The following CDH7 variants were observed in gnomAD, a reference collection of about 807,000 sequenced individuals.
CDH7 encodes the protein cadherin-7.
Under a neutral mutation model 71.8 loss-of-function variants are expected in CDH7, and 25 were observed. That is an observed-to-expected ratio of 0.35 (90% CI 0.25 to 0.49). CDH7 has a LOEUF of 0.49. Ranked by LOEUF, CDH7 falls within the 20% of genes least tolerant of loss-of-function variation. The pLI is 0.99. For synonymous variants in CDH7, 381 were observed against 363.8 expected (o/e 1.05, Z -0.54); for missense variants, 862 against 974.6 (o/e 0.88, Z 1.54).
intron 7 of CDH7, among the ~76,000 whole-genome samples, chr18:65,850,056 C>T (rs1489498571): frequency 6.6e-6 from 1 of 151,062 alleles, no homozygotes; most frequent in African/African-American, 2.4e-5. Flanking sequence ...CCCAGCTACT[C>T]GGGAGGCTGA....
chr18:65,857,064 A>T (rs906632000), intron 7 of CDH7, among the ~76,000 whole-genome samples: 17 of 151,610 alleles, frequency 1.1e-4, no homozygotes, highest in African/African-American at 4.1e-4. Flanking sequence ...GTGCCGTCAG[A>T]ACAAAAGATA....
At position 65,869,091 on chromosome 18, in the gene CDH7, T is replaced by C. The variant is rs562140850; in HGVS notation, c.1864+6174T>C. ...CACTTATATGTTTTTCTGAGTGGAA[T>C]CAGCCAGGCTTCCGTCTTCTCGCTT... On this transcript the variant is annotated intron_variant, in intron 11 of 11. Transcript: ENST00000397968. 3.5e-4 allele frequency among the ~76,000 whole-genome samples: 54 copies of C among 152,270 alleles called. 1 individual carries two copies. Among genetic ancestry groups the C allele is most frequent in the African/African-American group, 1.3e-3 (53 of 41,560 alleles).
At chr18:65,851,284 T>G (rs1019464538) in intron 7 of CDH7, among the ~76,000 whole-genome samples, 2 of 152,054 alleles carry the variant, frequency 1.3e-5, no homozygotes, top group Non-Finnish European at 2.9e-5. Context: ...CACACACAAA[T>G]GCACATATCG....
In CDH7 at chr18:65,857,361, T is replaced by TAAA. The variant is rs869226814; in HGVS notation, c.1236-453_1236-451dup. 2.3e-3 allele frequency among the ~76,000 whole-genome samples: 251 copies of TAAA among 107,256 alleles called. 1 individual carries two copies. The highest frequency in any genetic ancestry group is 8.2e-3 in the African/African-American group (205 of 25,028). The allele number at this position is 107,256 out of a possible 152,430, so 70.4% of individuals were successfully genotyped here. On this transcript the variant is annotated intron_variant, in intron 7 of 11. Coordinates refer to ENST00000397968, the MANE Select transcript of CDH7 (RefSeq NM_004361.5). ...ATAATAATAATAATAATAATAATAATAAAATAGCCAAATATGGTGGTGCAT... is the reference window on the plus strand; with the variant it reads ...ATAATAATAATAATAATAATAATAATAAAAAAATAGCCAAATATGGTGGTGCAT...
chr18:65,858,836 G>T (rs1913457914), intron 8 of CDH7, 89 bp from the exon 9 acceptor site: 4 of 1,312,416 alleles, frequency 3.0e-6, no homozygotes, highest in Admixed American at 3.8e-5. Flanking sequence ...TATGATTCTA[G>T]ATTTCATTCT....
At chr18:65,785,886 A>C (rs1910494790) in intron 2 of CDH7, among the ~76,000 whole-genome samples, 1 of 152,210 alleles carries the variant, frequency 6.6e-6, no homozygotes, top group African/African-American at 2.4e-5. Context: ...GTAAAAGTAC[A>C]TATAGCAGTA....
In CDH7 at chr18:65,826,555, A is replaced by T. The variant is rs201301537; in HGVS notation, c.981+1724A>T. Reference sequence around the variant, plus strand: ...AAAAGGCAGTATCCAAACTTTTACAAAGTCTTTCACATTTTATGAAAATTG... The same window carrying T: ...AAAAGGCAGTATCCAAACTTTTACATAGTCTTTCACATTTTATGAAAATTG... On this transcript the variant is annotated intron_variant, in intron 6 of 11. Coordinates refer to ENST00000397968, the MANE Select transcript of CDH7 (RefSeq NM_004361.5). 2.8e-3 allele frequency among the ~76,000 whole-genome samples: 54 copies of T among 19,386 alleles called. No homozygotes were observed. In the East Asian group the frequency reaches 0.47, roughly 167 times the overall value. The allele number at this position is 19,386 out of a possible 152,430, so 12.7% of individuals were successfully genotyped here. A position where few individuals can be genotyped will look rare whatever the true frequency, so the allele number is the denominator to read the frequency against.
intron 2 of CDH7, among the ~76,000 whole-genome samples, chr18:65,763,592 GGGGT>G (rs58745578): frequency 0.076 from 9,985 of 131,000 alleles, 788 homozygotes; most frequent in African/African-American, 0.22. Context: ...TTTTGATAGG[GGGGT>G]GTGTGTGTGT....
chr18:65,835,800 G>A (rs562605311), intron 6 of CDH7, among the ~76,000 whole-genome samples: 1 of 152,242 alleles, frequency 6.6e-6, no homozygotes, highest in South Asian at 2.1e-4. Context: ...AGGAGGCTGT[G>A]GTAGACACAA....
intron 2 of CDH7, among the ~76,000 whole-genome samples, chr18:65,772,637 T>C (rs1411310240): frequency 1.3e-5 from 2 of 152,120 alleles, no homozygotes; most frequent in Admixed American, 6.6e-5. Context: ...TAATGAAACA[T>C]AGAGTCTGTA....
At chr18:65,803,064 C>G (rs1389228222) in intron 2 of CDH7, 1 of 152,102 alleles carries the variant, frequency 6.6e-6, no homozygotes, top group Non-Finnish European at 1.5e-5. Context: ...CCAAATGCAT[C>G]TTTTTATTTT....
chr18:65,850,171 A>AT (rs1913096520), intron 7 of CDH7, among the ~76,000 whole-genome samples: 1 of 16,068 alleles, frequency 6.2e-5, no homozygotes, highest in African/African-American at 1.1e-4. Flanking sequence ...CACACTATAT[A>AT]TAATATATAT....
At chr18:65,855,633 C>T (rs1311104849) in intron 7 of CDH7, among the ~76,000 whole-genome samples, 12 of 151,964 alleles carry the variant, frequency 7.9e-5, no homozygotes, top group Non-Finnish European at 1.5e-4. Context: ...AATATCCAAG[C>T]CCAGATAGCT....
intron 2 of CDH7, among the ~76,000 whole-genome samples, chr18:65,804,789 G>A (rs918143564): frequency 2.6e-5 from 4 of 151,816 alleles, no homozygotes; most frequent in Admixed American, 6.6e-5. Flanking sequence ...ACAGGAGTAA[G>A]AAAGATGCCT....
intron 10 of CDH7, among the ~76,000 whole-genome samples, chr18:65,860,869 T>C (rs1913539970): frequency 6.6e-6 from 1 of 152,156 alleles, no homozygotes; most frequent in African/African-American, 2.4e-5. Flanking sequence ...TTTTTCCTGA[T>C]CTTATTTCCT....
At chr18:65,803,381 T>G (rs1911195613) in intron 2 of CDH7, 1 of 152,192 alleles carries the variant, frequency 6.6e-6, no homozygotes. Context: ...GAAATGATAT[T>G]TAGGGCAATA....
rs1429619922 is a variant in CDH7, at chr18:65,782,061, CCTTT to C, written c.210+19027_210+19030del. Among the ~76,000 whole-genome samples the C allele has an allele frequency of 3.6e-3, 137 of 38,238 alleles. 11 individuals are homozygous for C. Among genetic ancestry groups the C allele is most frequent in the South Asian group, 5.7e-3 (5 of 884 alleles). 25.1% of individuals were successfully genotyped at this position (38,238 alleles called of 152,430 possible). On this transcript the variant is annotated intron_variant, in intron 2 of 11. Coordinates refer to ENST00000397968, the MANE Select transcript of CDH7 (RefSeq NM_004361.5). ...TCCTTCCTTCCTTCCTTCCTTCCTTCCTTTCTTTCTTTCTTTCTTTCCTTCCTTC... is the reference window on the plus strand; with the variant it reads ...TCCTTCCTTCCTTCCTTCCTTCCTTCCTTTCTTTCTTTCTTTCCTTCCTTC...
intron 2 of CDH7, among the ~76,000 whole-genome samples, chr18:65,788,495 T>C (rs1910591835): frequency 6.6e-6 from 1 of 152,150 alleles, no homozygotes; most frequent in African/African-American, 2.4e-5. Flanking sequence ...AAGTTCATGT[T>C]GGTAGCTGCA....
At chr18:65,833,967 T>C (rs1912443731) in intron 6 of CDH7, among the ~76,000 whole-genome samples, 1 of 152,148 alleles carries the variant, frequency 6.6e-6, no homozygotes, top group Admixed American at 6.5e-5. Context: ...AAAGATGTTT[T>C]CCAGTGAGTC....
Sources: gnomAD v4.1 joint callset for allele counts (sites outside exome capture counted in the v4.1 genomes callset) on GRCh38, gnomAD v4.1.1 for gene constraint, MANE v1.5 for transcripts, NCBI Gene and HGNC (gene_info 2026-07-23, HGNC 2026-07-21) for gene names.